MTA2: variants seen among roughly 807,000 people sequenced by gnomAD.
The protein encoded by MTA2 is metastasis-associated protein MTA2.
A neutral mutation model predicts 87.1 loss-of-function variants in MTA2; 22 were observed. The observed-to-expected ratio is 0.25, with a 90% CI of 0.18 to 0.36. The LOEUF (loss-of-function observed/expected upper bound fraction) is 0.36. Among genes scored for constraint, MTA2 ranks in the 10% least tolerant of loss-of-function variants. MTA2 has a pLI of 1.00. For missense variants in MTA2, 542 were observed against 853.2 expected, an observed-to-expected ratio of 0.64 and a Z score of 4.54; for synonymous variants, 314 against 310.1, an observed-to-expected ratio of 1.01 and a Z score of -0.13.
intron 1 of MTA2, chr11:62,601,006 T>C (rs1414752125): frequency 6.1e-6 from 3 of 493,556 alleles, no homozygotes; most frequent in Non-Finnish European, 1.1e-5. Context: ...TTGTCCGCTC[T>C]AGCGCAGGGC....
chr11:62,593,819 G>C lies in MTA2; in HGVS notation c.*56C>G. 6.2e-7 allele frequency: 1 copy of C among 1,603,936 alleles called. No homozygotes were observed. The highest frequency in any genetic ancestry group is 8.5e-7 in the Non-Finnish European group (1 of 1,173,138). ...CGACACGAAAGGGAAGGGAGGTTTG[G>C]GTGCCCTGGGCATCCACCCTCTACC... On this transcript the variant is annotated 3_prime_UTR_variant, in exon 18 of 18. Coordinates refer to ENST00000278823, the MANE Select transcript of MTA2 (RefSeq NM_004739.4).
chr11:62,597,252 T>C, intron 8 of MTA2, 64 bp downstream of exon 8: 1 of 1,153,622 alleles, frequency 8.7e-7, no homozygotes, highest in Non-Finnish European at 1.3e-6. Context: ...TCCTCTTCTG[T>C]TCCCAGGCTC....
rs1942049791 is a variant in MTA2 at position 62,593,384 on chromosome 11, C to G, written c.*491G>C. On this transcript the variant is annotated 3_prime_UTR_variant, in exon 18 of 18. Transcript: ENST00000278823. ...GGGGTTGATGCCAGCTTAGGGGCCT[C>G]AAACTCCAATTAGGAAAGTCCGGAC... is the stretch of plus-strand genomic sequence containing the variant. 7.6e-6 allele frequency: 1 copy of G among 131,236 alleles called. No homozygotes were observed. The highest frequency in any genetic ancestry group is 8.8e-5 in the Admixed American group (1 of 11,362). The allele number at this position is 131,236 out of a possible 1,614,324, so 8.1% of individuals were successfully genotyped here.
Position 62,595,955 on chromosome 11 carries a change from G to C in MTA2, c.1114+55C>G. Reference sequence around the variant, plus strand: ...TACTACCTAAGCCCCTCAGATTCTTGAGCCACAGCAGGCCTTCCACCCATC... The same window carrying C: ...TACTACCTAAGCCCCTCAGATTCTTCAGCCACAGCAGGCCTTCCACCCATC... On this transcript the variant is annotated intron_variant, in intron 12 of 17. Transcript: ENST00000278823. The surrounding 1 kb of genome is among the most constrained non-coding windows in gnomAD (Gnocchi z 4.9). The C allele has an allele frequency of 6.2e-7, 1 of 1,614,006 alleles. No individual in the cohort carries two copies. The highest frequency in any genetic ancestry group is 8.5e-7 in the Non-Finnish European group (1 of 1,179,934).
Position 62,595,776 on chromosome 11 carries a change from A to C in MTA2, c.1230T>G (p.Leu410=). 1 of 1,614,154 alleles carries C rather than the reference A, an allele frequency of 6.2e-7. No individual in the cohort carries two copies. The highest frequency in any genetic ancestry group is 8.5e-7 in the Non-Finnish European group (1 of 1,180,020). ...CCGTGGTGCCCCGAGTGGCCCCCTCAAGCTGAGTTGGGGTCTTCAGTCCCC... is the reference window on the plus strand; with the variant it reads ...CCGTGGTGCCCCGAGTGGCCCCCTCCAGCTGAGTTGGGGTCTTCAGTCCCC... ...KYGGLKTPTQ[L]EGATRGTTEP... Residue 410 remains leucine, a synonymous_variant, in exon 13 of 18, where the codon CTT becomes CTG. Transcript: ENST00000278823. The surrounding 1 kb of genome is among the most constrained non-coding windows in gnomAD (Gnocchi z 4.9).
At chr11:62,597,765 G>A in intron 6 of MTA2, 53 bp from the exon 7 acceptor site, 1 of 1,470,280 alleles carries the variant, frequency 6.8e-7, no homozygotes, top group South Asian at 1.2e-5. Flanking sequence ...GGAACAGTTG[G>A]TGTCTTTTCA....
At chr11:62,600,542 G>C in intron 2 of MTA2, 80 bp downstream of exon 2, 1 of 1,316,874 alleles carries the variant, frequency 7.6e-7, no homozygotes. Flanking sequence ...CTTAGTATAG[G>C]ATCCTCTCTT....
intron 1 of MTA2, 33 bp downstream of exon 1, chr11:62,601,390 C>G: frequency 6.2e-7 from 1 of 1,608,558 alleles, no homozygotes; most frequent in South Asian, 1.1e-5. Context: ...CCTCTCCCGC[C>G]CCGGGCCCCG....
intron 1 of MTA2, 102 bp from the exon 2 acceptor site, chr11:62,600,791 G>A (rs1170135793): frequency 2.0e-6 from 2 of 980,048 alleles, no homozygotes; most frequent in African/African-American, 1.6e-5. Context: ...ATCAAAAGGA[G>A]ATAAGGATTC....
chr11:62,601,005 C>A (rs1460371262), intron 1 of MTA2: 2 of 495,462 alleles, frequency 4.0e-6, no homozygotes, highest in Admixed American at 3.9e-5. Flanking sequence ...ATTGTCCGCT[C>A]TAGCGCAGGG....
At chr11:62,600,980 A>G (rs1296164085) in intron 1 of MTA2, 3 of 485,908 alleles carry the variant, frequency 6.2e-6, no homozygotes, top group Non-Finnish European at 1.1e-5. Flanking sequence ...GTTGCACCCC[A>G]GTCGCGGCGA....
In MTA2 at chr11:62,596,800, C is replaced by A. The variant is rs748897461; in HGVS notation, c.719G>T (p.Arg240Met). The A allele has an allele frequency of 3.3e-5, 53 of 1,607,204 alleles. No individual in the cohort carries two copies. The highest frequency in any genetic ancestry group is 4.4e-5 in the Non-Finnish European group (52 of 1,177,536). Residue 240 changes from arginine to methionine, a missense_variant, in exon 9 of 18, where the codon AGG becomes ATG. Physicochemically the swap from Arg to Met is moderately conservative, Grantham distance 91 (BLOSUM62 -1). Transcript: ENST00000278823. ...GGCCTTAGCCAGGTCGTAGCCGTTC[C>A]TTTGCAAGGTATCCATGGCGTGAAA... ...TLFHAMDTLQ[R>M]NGYDLAKAMS...
At position 62,595,708 on chromosome 11, in the gene MTA2, T is replaced by C; in HGVS notation, c.1254+44A>G. 3.1e-6 allele frequency: 5 copies of C among 1,608,412 alleles called. No individual in the cohort carries two copies. The highest frequency in any genetic ancestry group is 4.2e-6 in the Non-Finnish European group (5 of 1,176,644). On this transcript the variant is annotated intron_variant, in intron 13 of 17. Transcript: ENST00000278823. This position sits in a 1 kb window ranked among gnomAD's most constrained non-coding sequence, Gnocchi z 4.9. ...GGCCTTCACCTAAGCTCACCATCAA[T>C]ATGCTTACTGCTCTCCCCTGCTTTT...
intron 1 of MTA2, 99 bp from the exon 2 acceptor site, chr11:62,600,788 G>C (rs1433620227): frequency 4.0e-6 from 4 of 997,722 alleles, no homozygotes; most frequent in East Asian, 5.0e-5. Context: ...TGGATCAAAA[G>C]GAGATAAGGA....
chr11:62,601,862 C>T lies in MTA2; in HGVS notation c.-412G>A. On this transcript the variant is annotated 5_prime_UTR_variant, in exon 1 of 18. Transcript: ENST00000278823. The stretch of plus-strand genomic sequence containing the variant: ...TTCGGCCGATCCGGAGAACAAGGCC[C>T]ACTGCTCGGCTCAGGTCGGAGAGCG... 2.0e-6 allele frequency: 1 copy of T among 496,382 alleles called. No homozygotes were observed. The allele number at this position is 496,382 out of a possible 1,614,324, so 30.7% of individuals were successfully genotyped here.
At chr11:62,594,933 G>T in intron 15 of MTA2, 48 bp downstream of exon 15, 1 of 1,529,884 alleles carries the variant, frequency 6.5e-7, no homozygotes, top group East Asian at 2.3e-5. Flanking sequence ...GTCAGACAGG[G>T]AAAGGACTGG....
chr11:62,601,743 C>G lies in MTA2; in HGVS notation c.-293G>C, dbSNP rs1329754840. On this transcript the variant is annotated 5_prime_UTR_variant, in exon 1 of 18. Transcript: ENST00000278823. ...GGCCAGAGCCAGGCTCCAGCTACCC[C>G]CGCCCCCGCGGAGTCCCACTAGTCG... is the stretch of plus-strand genomic sequence containing the variant. The G allele has an allele frequency of 3.9e-6, 2 of 515,496 alleles. No individual in the cohort carries two copies. The highest frequency in any genetic ancestry group is 6.8e-6 in the Non-Finnish European group (2 of 295,798). 31.9% of individuals were successfully genotyped at this position (515,496 alleles called of 1,614,324 possible).
intron 10 of MTA2, 55 bp downstream of exon 10, chr11:62,596,403 A>T: frequency 6.2e-7 from 1 of 1,613,050 alleles, no homozygotes; most frequent in Non-Finnish European, 8.5e-7. Flanking sequence ...CATCAACTTC[A>T]AAGGCAGAGG....
In MTA2 at chr11:62,597,731, G is replaced by A; in HGVS notation, c.491-19C>T. On this transcript the variant is annotated intron_variant, in intron 6 of 17. Coordinates refer to ENST00000278823, the MANE Select transcript of MTA2 (RefSeq NM_004739.4). ...GATTCTCCTGGGGAAAAGAACAATG[G>A]CATCAACAGGGAGAGGGCAGGGGGG... is the stretch of plus-strand genomic sequence containing the variant. The A allele has an allele frequency of 1.2e-6, 2 of 1,604,570 alleles. No individual in the cohort carries two copies. The highest frequency in any genetic ancestry group is 8.5e-7 in the Non-Finnish European group (1 of 1,171,682).
Sources: gnomAD v4.1 joint callset for allele counts on GRCh38, gnomAD v4.1.1 for gene constraint, Gnocchi (gnomAD v3.1) non-coding constraint, MANE v1.5 for transcripts, NCBI Gene and HGNC (gene_info 2026-07-23, HGNC 2026-07-21) for gene names.